TMEM255B: variants seen among roughly 807,000 people sequenced by gnomAD.
TMEM255B encodes family with sequence similarity 70, member B.
A neutral mutation model predicts 34.5 loss-of-function variants in TMEM255B; 35 were observed. The observed-to-expected ratio is 1.01, with a 90% confidence interval of 0.77 to 1.34. The LOEUF is 1.34. Ranked by LOEUF, TMEM255B falls within the 40% of genes most tolerant of loss-of-function variation. The pLI is 0.00. For synonymous variants in TMEM255B, 206 were observed against 201.2 expected, an observed-to-expected ratio of 1.02 and a Z score of -0.20; for missense variants, 432 against 433.2, an observed-to-expected ratio of 1.00 and a Z score of 0.02.
At chr13:113,778,407 C>G (rs1209950383) in intron 3 of TMEM255B, among the ~76,000 whole-genome samples, 1 of 152,090 alleles carries the variant, frequency 6.6e-6, no homozygotes, top group Admixed American at 6.6e-5. Flanking sequence ...CCGATTTCAC[C>G]TGCTGTAATG....
intron 1 of TMEM255B, among the ~76,000 whole-genome samples, chr13:113,764,122 G>A (rs905518955): frequency 1.3e-5 from 2 of 150,660 alleles, no homozygotes; most frequent in Admixed American, 1.3e-4. Flanking sequence ...CCTGGGGTGG[G>A]ATGGGCCGGG....
At chr13:113,796,394 GCACACACCT>G (rs1245940602) in intron 4 of TMEM255B, among the ~76,000 whole-genome samples, 5 of 107,176 alleles carry the variant, frequency 4.7e-5, no homozygotes, top group African/African-American at 1.5e-4. Context: ...ACCACACAGA[GCACACACCT>G]CACACACCAC....
At chr13:113,762,046 G>A (rs895055945) in intron 1 of TMEM255B, among the ~76,000 whole-genome samples, 3 of 151,460 alleles carry the variant, frequency 2.0e-5, no homozygotes, top group Admixed American at 1.3e-4. Flanking sequence ...TTAATAGTTG[G>A]GGCACTTAGG....
chr13:113,766,973 T>C (rs1320269968), intron 2 of TMEM255B, among the ~76,000 whole-genome samples: 3 of 152,240 alleles, frequency 2.0e-5, no homozygotes, highest in Non-Finnish European at 4.4e-5. Context: ...CCTAAGTGCC[T>C]GCATTCTGCA....
chr13:113,791,480 C>A (rs1009358273), intron 3 of TMEM255B, among the ~76,000 whole-genome samples: 1 of 152,176 alleles, frequency 6.6e-6, no homozygotes, highest in Non-Finnish European at 1.5e-5. Context: ...GGTCACACAC[C>A]CCTCAGGGAT....
chr13:113,766,014 C>T (rs2050381919), intron 1 of TMEM255B, 101 bp from the exon 2 acceptor site: 4 of 1,523,360 alleles, frequency 2.6e-6, no homozygotes, highest in Non-Finnish European at 3.6e-6. Flanking sequence ...GATAGTGCAT[C>T]CCAGGACCCC....
At chr13:113,791,982 C>G (rs907095884) in intron 3 of TMEM255B, among the ~76,000 whole-genome samples, 6 of 152,210 alleles carry the variant, frequency 3.9e-5, no homozygotes, top group African/African-American at 1.4e-4. Context: ...GAAGGGTGCA[C>G]TGCGGGACAG....
rs78770658 is a variant in TMEM255B at position 113,774,327 on chromosome 13, A to G, written c.252+5167A>G. On this transcript the variant is annotated intron_variant, in intron 3 of 8. Transcript: ENST00000375353. ...TCACATCAGCTTTAGGTATTTTTCC[A>G]CTGCTGAATGAGTTACTGTTTCCTC... Among the ~76,000 whole-genome samples the G allele has an allele frequency of 8.8e-3, 1,345 of 152,306 alleles. 16 individuals are homozygous for G. Among genetic ancestry groups the G allele is most frequent in the African/African-American group, 0.031 (1,276 of 41,560 alleles).
intron 3 of TMEM255B, among the ~76,000 whole-genome samples, chr13:113,774,812 C>T (rs1353427140): frequency 6.7e-6 from 1 of 150,276 alleles, no homozygotes; most frequent in Non-Finnish European, 1.5e-5. Context: ...ATACACTACA[C>T]ACACCACCTA....
intron 1 of TMEM255B, among the ~76,000 whole-genome samples, chr13:113,765,651 C>T (rs1016133367): frequency 1.3e-5 from 2 of 152,190 alleles, no homozygotes; most frequent in East Asian, 1.9e-4. Flanking sequence ...CTGCTGTGTG[C>T]GTTCCTCTCT....
chr13:113,803,742 G>C (rs1487113351), intron 7 of TMEM255B, among the ~76,000 whole-genome samples: 1 of 152,182 alleles, frequency 6.6e-6, no homozygotes. Context: ...CAGAAGCACG[G>C]CCTCCTGCAC....
intron 4 of TMEM255B, among the ~76,000 whole-genome samples, chr13:113,799,017 T>C (rs2050993916): frequency 6.6e-6 from 1 of 152,202 alleles, no homozygotes; most frequent in Non-Finnish European, 1.5e-5. Context: ...ACACCTGTGA[T>C]GTGGGGTGGT....
chr13:113,800,794 G>A lies in TMEM255B; in HGVS notation c.424-33G>A, dbSNP rs58284072. ...TGGGGTGGGTGAGGTGGTGGGCACC[G>A]GCATGTGACCTGACAAGGCCTCTCT... On this transcript the variant is annotated intron_variant, in intron 5 of 8. Coordinates refer to ENST00000375353, the MANE Select transcript of TMEM255B (RefSeq NM_182614.4). 6,744 of 1,576,914 alleles carry A rather than the reference G, an allele frequency of 4.3e-3. 231 individuals carry two copies. In the African/African-American group the frequency reaches 0.078, roughly 18 times the overall value.
At chr13:113,800,084 G>A (rs1566740232) in intron 5 of TMEM255B, 3 of 1,167,864 alleles carry the variant, frequency 2.6e-6, no homozygotes, top group Non-Finnish European at 3.2e-6. Flanking sequence ...GTGTGTTTAT[G>A]TGTGTGTGTG....
chr13:113,767,397 C>T (rs7491960), intron 2 of TMEM255B, among the ~76,000 whole-genome samples: 62,084 of 152,128 alleles, frequency 0.41, 14,499 homozygotes, highest in East Asian at 0.64. Context: ...GGCTTTTCTG[C>T]TTCCTGGGCA....
At chr13:113,790,560 G>A (rs111750272) in intron 3 of TMEM255B, among the ~76,000 whole-genome samples, 4 of 129,134 alleles carry the variant, frequency 3.1e-5, no homozygotes, top group Non-Finnish European at 3.3e-5. Context: ...TGAACTGACT[G>A]GACACATGGA....
intron 3 of TMEM255B, among the ~76,000 whole-genome samples, chr13:113,792,093 G>A (rs577632933): frequency 5.2e-5 from 8 of 152,384 alleles, no homozygotes; most frequent in Admixed American, 1.3e-4. Flanking sequence ...GCTTGGCCCC[G>A]ACTGGGAAAC....
chr13:113,805,895 T>A (rs1421660370), intron 8 of TMEM255B, among the ~76,000 whole-genome samples: 1 of 152,162 alleles, frequency 6.6e-6, no homozygotes, highest in Non-Finnish European at 1.5e-5. Flanking sequence ...CAGGTCCTTT[T>A]GCGTGAGTTA....
In TMEM255B at chr13:113,805,209, C is replaced by T. The variant is rs569285612; in HGVS notation, c.813+181C>T. Among the ~76,000 whole-genome samples the T allele has an allele frequency of 5.3e-5, 8 of 152,138 alleles. No homozygotes were observed. In the East Asian group the frequency reaches 9.7e-4, roughly 18 times the overall value. On this transcript the variant is annotated intron_variant, in intron 8 of 8. Coordinates refer to ENST00000375353, the MANE Select transcript of TMEM255B (RefSeq NM_182614.4). ...GGCACAACCTCCCTGCAAGTATGGCCGGGGACCGCGCCAGGTGGCCCTGGT... is the reference window on the plus strand; with the variant it reads ...GGCACAACCTCCCTGCAAGTATGGCTGGGGACCGCGCCAGGTGGCCCTGGT...
Sources: allele counts gnomAD v4.1 joint callset (sites outside exome capture counted in the v4.1 genomes callset), GRCh38; gene constraint gnomAD v4.1.1; transcripts MANE v1.5; gene names NCBI Gene and HGNC (gene_info 2026-07-23, HGNC 2026-07-21).